Variants in MINDY2 observed in about 807,000 individuals in gnomAD.
The protein encoded by MINDY2 is MINDY lysine 48 deubiquitinase 2.
In MINDY2, 52 loss-of-function variants were observed where a neutral mutation model predicts 68.2. The observed-to-expected ratio is 0.76, with a 90% CI of 0.61 to 0.96. The LOEUF (loss-of-function observed/expected upper bound fraction) is 0.96. Among genes scored for constraint, MINDY2 ranks in the 40% least tolerant of loss-of-function variants. MINDY2 has a pLI of 0.00. For missense variants in MINDY2, 881 were observed against 773.4 expected, an observed-to-expected ratio of 1.14 and a Z score of -1.65; for synonymous variants, 372 against 303.0, an observed-to-expected ratio of 1.23 and a Z score of -2.36.
intron 1 of MINDY2, among the ~76,000 whole-genome samples, chr15:58,772,510 T>A (rs1170124234): frequency 1.3e-5 from 2 of 152,368 alleles, no homozygotes; most frequent in South Asian, 4.1e-4. Context: ...ACTTAGAGCA[T>A]CTTAAATCTT....
chr15:58,791,312 A>G (rs1901895681), intron 2 of MINDY2, among the ~76,000 whole-genome samples: 1 of 146,600 alleles, frequency 6.8e-6, no homozygotes, highest in Non-Finnish European at 1.5e-5. Context: ...TTCTGTAATG[A>G]TAGAAATGTT....
intron 6 of MINDY2, among the ~76,000 whole-genome samples, chr15:58,842,691 A>G (rs2032340145): frequency 6.6e-6 from 1 of 152,244 alleles, no homozygotes; most frequent in South Asian, 2.1e-4. Flanking sequence ...GATGATACTC[A>G]TGAATATAAT....
At chr15:58,776,114 G>T (rs974448301) in intron 1 of MINDY2, among the ~76,000 whole-genome samples, 3 of 151,978 alleles carry the variant, frequency 2.0e-5, no homozygotes, top group African/African-American at 4.8e-5. Context: ...CCTGCAAGAG[G>T]CTATAAAATT....
At position 58,802,412 on chromosome 15, in the gene MINDY2, A is replaced by G. The variant is rs370690583; in HGVS notation, c.963+35A>G. ...AGTTTTTGTTAAAGTATATAATTTT[A>G]AAGTTTAAATATATACATTGGTTTC... On this transcript the variant is annotated intron_variant, in intron 3 of 8. Coordinates refer to ENST00000559228, the MANE Select transcript of MINDY2 (RefSeq NM_001040450.3). 6.5e-6 allele frequency: 9 copies of G among 1,385,574 alleles called. No homozygotes were observed. The African/African-American group carries it at 1.2e-4, about 18-fold the overall frequency. The allele number at this position is 1,385,574 out of a possible 1,614,324, so 85.8% of individuals were successfully genotyped here.
At position 58,860,867 on chromosome 15, in the gene MINDY2, A is replaced by G. The variant is rs1381815183; in HGVS notation, c.*6257A>G. 3.3e-5 allele frequency: 5 copies of G among 152,196 alleles called. No homozygotes were observed. The highest frequency in any genetic ancestry group is 2.6e-4 in the Admixed American group (4 of 15,272). The allele number at this position is 152,196 out of a possible 1,614,324, so 9.4% of individuals were successfully genotyped here. A position where few individuals can be genotyped will look rare whatever the true frequency, so the allele number is the denominator to read the frequency against. On this transcript the variant is annotated 3_prime_UTR_variant, in exon 9 of 9. Transcript: ENST00000559228. ...GAAATAAGCAGTTTTTTCAGGGTAC[A>G]TAGGGTATCTTTGTTTTACAGATTT...
chr15:58,772,318 G>C lies in MINDY2; in HGVS notation c.840+83G>C, dbSNP rs562365441. 3.2e-6 allele frequency: 5 copies of C among 1,563,404 alleles called. No homozygotes were observed. The African/African-American group carries it at 6.8e-5, about 21-fold the overall frequency. On this transcript the variant is annotated intron_variant, in intron 1 of 8. Transcript: ENST00000559228. ...GGGAGCTGCTGCATGTCAGGTGATG[G>C]CTTCCTTTCTTTCCTCATTCATCAG...
Position 58,859,174 on chromosome 15 carries a change from TCTATAGA to T in MINDY2, c.*4572_*4578del, listed in dbSNP as rs1239762160. Reference sequence around the variant, plus strand: ...ATGCATTTTACAGTTTTTTGTGTGTTCTATAGACTATAGAGTCAAAATCAAGAGTATT... The same window carrying T: ...ATGCATTTTACAGTTTTTTGTGTGTTCTATAGAGTCAAAATCAAGAGTATT... On this transcript the variant is annotated 3_prime_UTR_variant, in exon 9 of 9. Coordinates refer to ENST00000559228, the MANE Select transcript of MINDY2 (RefSeq NM_001040450.3). 4.6e-5 allele frequency: 7 copies of T among 152,274 alleles called. No homozygotes were observed. The highest frequency in any genetic ancestry group is 3.9e-4 in the East Asian group (2 of 5,192). 9.4% of individuals were successfully genotyped at this position (152,274 alleles called of 1,614,324 possible).
chr15:58,826,592 A>T (rs1419091021), intron 5 of MINDY2, among the ~76,000 whole-genome samples: 2 of 152,172 alleles, frequency 1.3e-5, no homozygotes, highest in African/African-American at 4.8e-5. Flanking sequence ...TTACCTGTAA[A>T]TGCTTCATCA....
rs1231069066 is a variant in MINDY2, at chr15:58,855,475, G to A, written c.*865G>A. ...GGGATGTAGAAAAGCAGATAGTTCA[G>A]TGTCTACCTTTTTCTAGAACTACCT... On this transcript the variant is annotated 3_prime_UTR_variant, in exon 9 of 9. Transcript: ENST00000559228. 1 of 152,624 alleles carries A rather than the reference G, an allele frequency of 6.6e-6. No homozygotes were observed. The allele number at this position is 152,624 out of a possible 1,614,324, so 9.5% of individuals were successfully genotyped here.
At position 58,856,894 on chromosome 15, in the gene MINDY2, C is replaced by T. The variant is rs2033077462; in HGVS notation, c.*2284C>T. 6.6e-6 allele frequency: 1 copy of T among 152,180 alleles called. No homozygotes were observed. Among genetic ancestry groups the T allele is most frequent in the Non-Finnish European group, 1.5e-5 (1 of 68,024 alleles). The allele number at this position is 152,180 out of a possible 1,614,324, so 9.4% of individuals were successfully genotyped here. On this transcript the variant is annotated 3_prime_UTR_variant, in exon 9 of 9. Coordinates refer to ENST00000559228, the MANE Select transcript of MINDY2 (RefSeq NM_001040450.3). ...AAATATATGTGTAGAAGTATTTCTT[C>T]TGTTATTTGTTACTATCTTCTTAAT...
At chr15:58,834,729 T>C (rs411211) in intron 6 of MINDY2, among the ~76,000 whole-genome samples, 1,921 of 152,326 alleles carry the variant, frequency 0.013, 37 homozygotes, top group African/African-American at 0.037. Context: ...AAGTGGCTTA[T>C]TAAAGTCGTG....
chr15:58,852,077 A>T, intron 8 of MINDY2, 112 bp downstream of exon 8: 1 of 751,114 alleles, frequency 1.3e-6, no homozygotes, highest in Non-Finnish European at 2.1e-6. Flanking sequence ...GCTTGAGCCC[A>T]GGAGTTCGAG....
intron 3 of MINDY2, among the ~76,000 whole-genome samples, chr15:58,809,728 T>A (rs571323642): frequency 1.8e-4 from 28 of 152,342 alleles, no homozygotes; most frequent in African/African-American, 6.5e-4. Context: ...TATATATACA[T>A]GTTTATCTCT....
intron 6 of MINDY2, among the ~76,000 whole-genome samples, chr15:58,833,504 T>C (rs989235351): frequency 1.3e-5 from 2 of 152,130 alleles, no homozygotes; most frequent in African/African-American, 4.8e-5. Flanking sequence ...CACCGGCCTC[T>C]GAGTTCCCTT....
At chr15:58,789,019 A>G (rs1479916187) in intron 2 of MINDY2, among the ~76,000 whole-genome samples, 1 of 149,904 alleles carries the variant, frequency 6.7e-6, no homozygotes, top group Non-Finnish European at 1.5e-5. Context: ...CTCAAAAACA[A>G]AAACATATTT....
At chr15:58,812,385 C>T (rs1169646476) in intron 4 of MINDY2, among the ~76,000 whole-genome samples, 2 of 147,828 alleles carry the variant, frequency 1.4e-5, no homozygotes, top group Non-Finnish European at 3.0e-5. Context: ...TGCAGTGAGC[C>T]GAGATGGTGC....
At chr15:58,817,607 C>A (rs2030775014) in intron 4 of MINDY2, 1 of 152,186 alleles carries the variant, frequency 6.6e-6, no homozygotes, top group African/African-American at 2.4e-5. Context: ...CCTGTAATCC[C>A]AGCTACTCAG....
chr15:58,854,011 A>G (rs2032958958), intron 8 of MINDY2, among the ~76,000 whole-genome samples: 1 of 151,976 alleles, frequency 6.6e-6, no homozygotes. Flanking sequence ...TTGGGAGGCC[A>G]AGGTGGGCGG....
chr15:58,784,766 C>T (rs1010762807), intron 1 of MINDY2, among the ~76,000 whole-genome samples: 13 of 151,662 alleles, frequency 8.6e-5, no homozygotes, highest in African/African-American at 2.4e-4. Context: ...ACTACAGGCA[C>T]GTGCCACCAC....
Sources: allele counts gnomAD v4.1 joint callset (sites outside exome capture counted in the v4.1 genomes callset), GRCh38; gene constraint gnomAD v4.1.1; transcripts MANE v1.5; gene names NCBI Gene and HGNC (gene_info 2026-07-23, HGNC 2026-07-21).